CLSTN2: variants seen among roughly 807,000 people sequenced by gnomAD.
CLSTN2 encodes calsyntenin 2, also known as calsyntenin-2.
A neutral mutation model predicts 101.2 loss-of-function variants in CLSTN2; 48 were observed. The ratio of observed to expected loss-of-function variants is 0.47; its 90% confidence interval spans 0.38 to 0.60. The LOEUF is 0.60. Among genes scored for constraint, CLSTN2 ranks in the 20% least tolerant of loss-of-function variants. The pLI is 0.00. For missense variants in CLSTN2, 1,160 were observed against 1,238.2 expected, an observed-to-expected ratio of 0.94 and a Z score of 0.95; for synonymous variants, 481 against 463.6, an observed-to-expected ratio of 1.04 and a Z score of -0.48.
chr3:140,347,369 T>G (rs893305410), intron 2 of CLSTN2, among the ~76,000 whole-genome samples: 1 of 152,228 alleles, frequency 6.6e-6, no homozygotes, highest in African/African-American at 2.4e-5. Flanking sequence ...TCTGGTTTTG[T>G]TTAATGACTG....
At chr3:140,193,498 A>C (rs1050182548) in intron 2 of CLSTN2, among the ~76,000 whole-genome samples, 1 of 151,746 alleles carries the variant, frequency 6.6e-6, no homozygotes, top group Non-Finnish European at 1.5e-5. Flanking sequence ...TCTGCTTAGA[A>C]ATCCATTGCC....
chr3:140,451,645 T>G (rs976055117), intron 6 of CLSTN2, among the ~76,000 whole-genome samples: 2 of 152,170 alleles, frequency 1.3e-5, no homozygotes, highest in African/African-American at 4.8e-5. Context: ...TGGGGTCAGC[T>G]TCCATGTAGG....
At chr3:140,358,514 G>A (rs2087696593) in intron 2 of CLSTN2, among the ~76,000 whole-genome samples, 1 of 152,080 alleles carries the variant, frequency 6.6e-6, no homozygotes, top group African/African-American at 2.4e-5. Context: ...ATTATCAAAG[G>A]CAAGGTATCA....
At chr3:140,158,391 C>T (rs955989296) in intron 1 of CLSTN2, among the ~76,000 whole-genome samples, 1 of 151,002 alleles carries the variant, frequency 6.6e-6, no homozygotes, top group East Asian at 1.9e-4. Context: ...GTAGAATTTC[C>T]ATATACCAAT....
At chr3:140,288,184 G>A (rs2086914936) in intron 2 of CLSTN2, among the ~76,000 whole-genome samples, 3 of 151,596 alleles carry the variant, frequency 2.0e-5, no homozygotes, top group Admixed American at 2.0e-4. Context: ...TATACCTATT[G>A]TTATGTTTGA....
intron 1 of CLSTN2, among the ~76,000 whole-genome samples, chr3:140,034,313 C>T (rs1361114863): frequency 6.6e-6 from 1 of 152,112 alleles, no homozygotes; most frequent in Non-Finnish European, 1.5e-5. Context: ...GGGAGTAGTG[C>T]TATGGGGAAG....
chr3:140,497,045 A>G (rs1445976089), intron 8 of CLSTN2, among the ~76,000 whole-genome samples: 1 of 151,284 alleles, frequency 6.6e-6, no homozygotes, highest in African/African-American at 2.4e-5. Context: ...AGATTGCAGT[A>G]AGCCGAGATT....
chr3:140,461,210 C>A (rs975501704), intron 7 of CLSTN2: 4 of 151,978 alleles, frequency 2.6e-5, no homozygotes, highest in African/African-American at 9.7e-5. Flanking sequence ...CCTGGCTTTC[C>A]CTATTTATAT....
intron 2 of CLSTN2, among the ~76,000 whole-genome samples, chr3:140,238,569 T>C (rs1307858201): frequency 6.6e-6 from 1 of 152,204 alleles, no homozygotes; most frequent in African/African-American, 2.4e-5. Flanking sequence ...TTTTCAGAAG[T>C]AGAACTTTCT....
intron 8 of CLSTN2, 101 bp downstream of exon 8, chr3:140,466,832 C>T (rs1172287717): frequency 6.7e-7 from 1 of 1,497,372 alleles, no homozygotes; most frequent in Non-Finnish European, 9.0e-7. Context: ...AAGGTCCTGA[C>T]CACTTGCTGA....
intron 1 of CLSTN2, among the ~76,000 whole-genome samples, chr3:139,961,592 G>T (rs148534470): frequency 6.6e-6 from 1 of 152,184 alleles, no homozygotes; most frequent in East Asian, 1.9e-4. Context: ...TTATAGGGTG[G>T]CACTTTGCAG....
At chr3:140,459,799 T>A in intron 7 of CLSTN2, 30 bp downstream of exon 7, 1 of 282,240 alleles carries the variant, frequency 3.5e-6, no homozygotes, top group Non-Finnish European at 5.5e-6. Flanking sequence ...CTTCCACCCC[T>A]CCTACCCCAG....
chr3:140,152,454 T>G (rs1392519680), intron 1 of CLSTN2, among the ~76,000 whole-genome samples: 2 of 152,216 alleles, frequency 1.3e-5, no homozygotes, highest in Non-Finnish European at 2.9e-5. Flanking sequence ...CCTGTACTTC[T>G]TCACAATTAT....
At chr3:140,107,468 G>T (rs2009079053) in intron 1 of CLSTN2, among the ~76,000 whole-genome samples, 1 of 152,066 alleles carries the variant, frequency 6.6e-6, no homozygotes, top group African/African-American at 2.4e-5. Flanking sequence ...TCAGGGAAGG[G>T]GTTTCCTGTC....
intron 8 of CLSTN2, among the ~76,000 whole-genome samples, chr3:140,476,345 T>C (rs1297792592): frequency 6.6e-6 from 1 of 152,240 alleles, no homozygotes; most frequent in African/African-American, 2.4e-5. Context: ...TCAAGCACTT[T>C]CTTTTAGTTT....
chr3:140,253,539 G>A (rs899730682), intron 2 of CLSTN2, among the ~76,000 whole-genome samples: 4 of 152,172 alleles, frequency 2.6e-5, no homozygotes, highest in Admixed American at 2.0e-4. Flanking sequence ...GGCAGGGAAA[G>A]TATGAGCACA....
At chr3:140,554,999 G>T (rs1467706639) in intron 10 of CLSTN2, among the ~76,000 whole-genome samples, 1 of 152,194 alleles carries the variant, frequency 6.6e-6, no homozygotes, top group African/African-American at 2.4e-5. Context: ...TTATGCTACA[G>T]TAACAAATTA....
chr3:140,361,249 A>G (rs978871260), intron 2 of CLSTN2, among the ~76,000 whole-genome samples: 2 of 152,206 alleles, frequency 1.3e-5, no homozygotes, highest in African/African-American at 2.4e-5. Context: ...ACAAAATTAG[A>G]CCAAAATCAC....
intron 2 of CLSTN2, among the ~76,000 whole-genome samples, chr3:140,310,537 G>T (rs1189439107): frequency 6.6e-6 from 1 of 152,162 alleles, no homozygotes; most frequent in Non-Finnish European, 1.5e-5. Context: ...AGCAGTCAGG[G>T]TGGCATTTCT....
Sources: allele counts gnomAD v4.1 joint callset (sites outside exome capture counted in the v4.1 genomes callset), GRCh38; gene constraint gnomAD v4.1.1; transcripts MANE v1.5; gene names NCBI Gene and HGNC (gene_info 2026-07-23, HGNC 2026-07-21).